RBFOX1: variants seen among roughly 807,000 people sequenced by gnomAD.
The protein encoded by RBFOX1 is RNA binding protein fox-1 homolog 1.
A neutral mutation model predicts 57.7 loss-of-function variants in RBFOX1; 8 were observed. The ratio of observed to expected loss-of-function variants is 0.14; its 90% CI spans 0.08 to 0.25. The LOEUF is 0.25. Among genes scored for constraint, RBFOX1 ranks in the 10% least tolerant of loss-of-function variants. RBFOX1 has a pLI of 1.00. For synonymous variants in RBFOX1, 326 were observed against 222.4 expected, an observed-to-expected ratio of 1.47 and a Z score of -4.15; for missense variants, 611 against 548.5, an observed-to-expected ratio of 1.11 and a Z score of -1.14.
At chr16:6,162,798 A>G (rs984567127) in intron 1 of RBFOX1, among the ~76,000 whole-genome samples, 2 of 152,120 alleles carry the variant, frequency 1.3e-5, no homozygotes, top group African/African-American at 2.4e-5. Flanking sequence ...TAGTGACATG[A>G]TCTCGGCTCA....
chr16:7,166,941 A>C (rs140654749), intron 4 of RBFOX1, among the ~76,000 whole-genome samples: 2,451 of 135,928 alleles, frequency 0.018, 71 homozygotes, highest in African/African-American at 0.065. Flanking sequence ...ATGACATCAG[A>C]GAGAAAGCCC....
At chr16:6,119,855 A>T (rs1441295157) in intron 1 of RBFOX1, among the ~76,000 whole-genome samples, 4 of 152,224 alleles carry the variant, frequency 2.6e-5, no homozygotes, top group African/African-American at 4.8e-5. Flanking sequence ...TCGTAATGTT[A>T]TGCAACCGCT....
intron 2 of RBFOX1, among the ~76,000 whole-genome samples, chr16:6,515,855 C>G (rs1313800807): frequency 6.6e-6 from 1 of 152,152 alleles, no homozygotes; most frequent in South Asian, 2.1e-4. Flanking sequence ...GTGAATTTCA[C>G]TCTATCCTTT....
At chr16:7,287,413 T>C (rs2095671462) in intron 4 of RBFOX1, among the ~76,000 whole-genome samples, 1 of 152,240 alleles carries the variant, frequency 6.6e-6, no homozygotes, top group South Asian at 2.1e-4. Context: ...TCTCTTTCTC[T>C]TTCTAGAATC....
At chr16:5,629,318 G>A (rs981270103) in intron 3 of RBFOX1, among the ~76,000 whole-genome samples, 8 of 152,278 alleles carry the variant, frequency 5.3e-5, no homozygotes, top group African/African-American at 1.7e-4. Context: ...GGTGCTAGTC[G>A]CTCAGAATGG....
chr16:5,525,438 G>C, intron 2 of RBFOX1, among the ~76,000 whole-genome samples: 1 of 151,528 alleles, frequency 6.6e-6, no homozygotes. Flanking sequence ...GGTCACACAG[G>C]GTGGGCAGAG....
At chr16:6,198,066 C>T (rs191939681) in intron 1 of RBFOX1, among the ~76,000 whole-genome samples, 4 of 152,270 alleles carry the variant, frequency 2.6e-5, no homozygotes, top group Admixed American at 6.5e-5. Context: ...ACTTACCTGA[C>T]GCAGATAATT....
intron 5 of RBFOX1, among the ~76,000 whole-genome samples, chr16:7,567,381 ATG>A (rs2092052578): frequency 7.4e-6 from 1 of 135,858 alleles, no homozygotes; most frequent in African/African-American, 2.8e-5. Context: ...ATATATCCCT[ATG>A]TATGGCCCTA....
intron 4 of RBFOX1, among the ~76,000 whole-genome samples, chr16:5,917,529 T>C (rs900206126): frequency 6.6e-6 from 1 of 152,152 alleles, no homozygotes; most frequent in African/African-American, 2.4e-5. Flanking sequence ...TCCCAGGTTG[T>C]TCTGACACCA....
chr16:7,402,267 C>T lies in RBFOX1; in HGVS notation c.28-115880C>T, dbSNP rs373465350. Among the ~76,000 whole-genome samples the T allele has an allele frequency of 1.2e-4, 18 of 152,218 alleles. No individual in the cohort carries two copies. The South Asian group carries it at 2.9e-3, about 25-fold the overall frequency. ...GAGGGTCAACTAAGTTATTCAGTCC[C>T]GGACGTTGTTAACTGCCCTGAAAGT... On this transcript the variant is annotated intron_variant, in intron 4 of 15. Coordinates refer to ENST00000550418, the MANE Select transcript of RBFOX1 (RefSeq NM_018723.4).
intron 4 of RBFOX1, among the ~76,000 whole-genome samples, chr16:7,449,570 C>A (rs1313810365): frequency 6.6e-6 from 1 of 152,018 alleles, no homozygotes; most frequent in Non-Finnish European, 1.5e-5. Context: ...TGTTTAGGAC[C>A]ATCTCTTTAA....
intron 3 of RBFOX1, among the ~76,000 whole-genome samples, chr16:6,867,225 G>C (rs1464388293): frequency 6.6e-6 from 1 of 151,672 alleles, no homozygotes; most frequent in Non-Finnish European, 1.5e-5. Flanking sequence ...TTTCTGTAGG[G>C]GAAAAAAAAA....
intron 3 of RBFOX1, among the ~76,000 whole-genome samples, chr16:6,680,128 AAGGACTACCACATAGG>A: frequency 6.6e-6 from 1 of 152,152 alleles, no homozygotes; most frequent in Non-Finnish European, 1.5e-5. Context: ...GGGGTCATAG[AAGGACTACCACATAGG>A]GTTGTGTTTG....
intron 3 of RBFOX1, among the ~76,000 whole-genome samples, chr16:6,858,732 G>T (rs2058358364): frequency 6.6e-6 from 1 of 151,976 alleles, no homozygotes; most frequent in Admixed American, 6.6e-5. Context: ...CCTCTTTATG[G>T]AACAGTGTAT....
Position 6,386,162 on chromosome 16 carries a change from C to A in RBFOX1, c.-64+69105C>A, listed in dbSNP as rs545795218. On this transcript the variant is annotated intron_variant, in intron 2 of 15. Transcript: ENST00000550418. The stretch of plus-strand genomic sequence containing the variant: ...GTGTCACTCAGGATGGTCTCGATGT[C>A]CTGGCCTCGTGATCCGCCCGTCTCG... 1.8e-4 allele frequency among the ~76,000 whole-genome samples: 28 copies of A among 152,186 alleles called. No homozygotes were observed. In the East Asian group the frequency reaches 5.4e-3, roughly 30 times the overall value.
intron 2 of RBFOX1, among the ~76,000 whole-genome samples, chr16:5,510,861 C>T (rs528762835): frequency 2.9e-4 from 44 of 152,264 alleles, no homozygotes; most frequent in African/African-American, 1.0e-3. Context: ...TCTCTCTGTC[C>T]TGACAACCAG....
At chr16:6,307,832 A>G (rs2079717975) in intron 1 of RBFOX1, among the ~76,000 whole-genome samples, 1 of 147,044 alleles carries the variant, frequency 6.8e-6, no homozygotes, top group South Asian at 2.2e-4. Flanking sequence ...TGTTATTTAT[A>G]TGTTTATTTG....
intron 5 of RBFOX1, among the ~76,000 whole-genome samples, chr16:7,555,388 C>A (rs1432829557): frequency 2.6e-5 from 4 of 152,110 alleles, no homozygotes; most frequent in African/African-American, 9.7e-5. Context: ...TTAATAGACA[C>A]CAGTGTTACC....
At chr16:5,890,186 G>A (rs1187197637) in intron 4 of RBFOX1, among the ~76,000 whole-genome samples, 1 of 152,138 alleles carries the variant, frequency 6.6e-6, no homozygotes, top group Non-Finnish European at 1.5e-5. Context: ...GCTTAAGTAC[G>A]ATACTGTACC....
Sources: gnomAD v4.1 joint callset for allele counts (sites outside exome capture counted in the v4.1 genomes callset) on GRCh38, gnomAD v4.1.1 for gene constraint, MANE v1.5 for transcripts, NCBI Gene and HGNC (gene_info 2026-07-23, HGNC 2026-07-21) for gene names.